KCNN2: variants seen among roughly 807,000 people sequenced by gnomAD.
The protein encoded by KCNN2 is small conductance calcium-activated potassium channel protein 2.
Under a neutral mutation model 55.5 loss-of-function variants are expected in KCNN2, and 24 were observed. The ratio of observed to expected loss-of-function variants is 0.43; its 90% confidence interval spans 0.31 to 0.61. The LOEUF is 0.61. KCNN2 is among the 20% of genes least tolerant of loss of function. The pLI, the probability that KCNN2 is intolerant of heterozygous loss-of-function variation, is 0.08. For synonymous variants in KCNN2, 431 were observed against 336.1 expected (o/e 1.28, Z -3.09); for missense variants, 754 against 853.6 (o/e 0.88, Z 1.45).
At chr5:114,102,960 C>A (rs760709559) in intron 1 of KCNN2, among the ~76,000 whole-genome samples, 19 of 152,060 alleles carry the variant, frequency 1.2e-4, no homozygotes, top group Non-Finnish European at 1.9e-4. Flanking sequence ...GTAGTTTTTT[C>A]TAATTCTGTG....
chr5:114,269,675 G>T (rs1755283828), intron 2 of KCNN2, among the ~76,000 whole-genome samples: 1 of 152,076 alleles, frequency 6.6e-6, no homozygotes, highest in Non-Finnish European at 1.5e-5. Context: ...GAACTCCAGA[G>T]GTAGGATCCG....
At chr5:114,062,868 T>C (rs1260829125) in intron 1 of KCNN2, among the ~76,000 whole-genome samples, 2 of 152,258 alleles carry the variant, frequency 1.3e-5, no homozygotes, top group South Asian at 4.1e-4. Context: ...ACTAATTTGC[T>C]AGACAGAACT....
At chr5:114,438,886 C>A (rs1580835989) in intron 3 of KCNN2, among the ~76,000 whole-genome samples, 1 of 152,150 alleles carries the variant, frequency 6.6e-6, no homozygotes, top group South Asian at 2.1e-4. Flanking sequence ...AATGTGACAG[C>A]CTTGGTACAG....
chr5:114,096,479 T>C (rs1751257682), intron 1 of KCNN2, among the ~76,000 whole-genome samples: 1 of 152,124 alleles, frequency 6.6e-6, no homozygotes, highest in South Asian at 2.1e-4. Flanking sequence ...GAAACCAAGC[T>C]ATATACTCAT....
At chr5:114,357,039 A>G (rs528040568) in intron 2 of KCNN2, among the ~76,000 whole-genome samples, 1 of 152,214 alleles carries the variant, frequency 6.6e-6, no homozygotes, top group Non-Finnish European at 1.5e-5. Flanking sequence ...AAAGAAAAAA[A>G]TAATTCTCAG....
chr5:114,423,760 C>G (rs918694120), intron 3 of KCNN2, among the ~76,000 whole-genome samples: 1 of 152,118 alleles, frequency 6.6e-6, no homozygotes, highest in Non-Finnish European at 1.5e-5. Flanking sequence ...AAGGGACAAG[C>G]AAACAGGTCA....
chr5:114,414,844 C>T (rs1432367437), intron 3 of KCNN2, among the ~76,000 whole-genome samples: 4 of 152,058 alleles, frequency 2.6e-5, no homozygotes, highest in Non-Finnish European at 5.9e-5. Context: ...ATTTACGCAC[C>T]GTAAACTCCA....
chr5:114,192,889 T>C (rs1753479409), intron 1 of KCNN2, among the ~76,000 whole-genome samples: 1 of 152,154 alleles, frequency 6.6e-6, no homozygotes, highest in South Asian at 2.1e-4. Flanking sequence ...GTCTTCTGTC[T>C]CAATCCCCAT....
intron 3 of KCNN2, among the ~76,000 whole-genome samples, chr5:114,423,053 T>C (rs1759516262): frequency 6.6e-6 from 1 of 152,178 alleles, no homozygotes; most frequent in Admixed American, 6.5e-5. Context: ...TAATGCATTG[T>C]CTGTTAAGCA....
intron 1 of KCNN2, among the ~76,000 whole-genome samples, chr5:114,058,171 T>C (rs555274822): frequency 2.0e-4 from 30 of 152,282 alleles, no homozygotes; most frequent in Non-Finnish European, 3.2e-4. Context: ...CACCTTGAGC[T>C]AGTGATGAAT....
chr5:114,362,612 A>G lies in KCNN2; in HGVS notation c.473A>G (p.His158Arg), dbSNP rs959017252. 1.1e-6 allele frequency: 1 copy of G among 928,652 alleles called. No individual in the cohort carries two copies. Among genetic ancestry groups the G allele is most frequent in the Non-Finnish European group, 1.5e-6 (1 of 646,072 alleles). 57.5% of individuals were successfully genotyped at this position (928,652 alleles called of 1,614,324 possible). Reference sequence around the variant, plus strand: ...CAGTCGGCGTCCGCCTCCCAGTACCACCAGTGCCACAGCCTGCAGCCCGCC... The same window carrying G: ...CAGTCGGCGTCCGCCTCCCAGTACCGCCAGTGCCACAGCCTGCAGCCCGCC... The part of the protein sequence containing the change: ...AQQSASASQY[H>R]QCHSLQPAAS... The change falls in exon 1 of 8, where the codon CAC becomes CGC. Residue 158 changes from histidine to arginine, a missense_variant. Physicochemically the swap from His to Arg is conservative, Grantham distance 29. Transcript: ENST00000673685.
chr5:114,361,689 G>A (rs1757425466), upstream of KCNN2, among the ~76,000 whole-genome samples: 1 of 152,214 alleles, frequency 6.6e-6, no homozygotes, highest in Non-Finnish European at 1.5e-5. Flanking sequence ...GGCTGGCGCA[G>A]GTGATCCGGG....
At chr5:114,077,818 T>C (rs745868538) in intron 1 of KCNN2, among the ~76,000 whole-genome samples, 18 of 152,274 alleles carry the variant, frequency 1.2e-4, no homozygotes, top group African/African-American at 3.9e-4. Flanking sequence ...GAAAGCCTCA[T>C]TGTGGCAGAG....
At chr5:114,377,850 T>C (rs1757989654) in intron 2 of KCNN2, among the ~76,000 whole-genome samples, 2 of 152,226 alleles carry the variant, frequency 1.3e-5, no homozygotes, top group Admixed American at 1.3e-4. Flanking sequence ...ATGAAGAATC[T>C]AGCGTGATAC....
intron 3 of KCNN2, among the ~76,000 whole-genome samples, chr5:114,427,133 C>G (rs1283852535): frequency 2.0e-5 from 3 of 152,312 alleles, no homozygotes; most frequent in South Asian, 2.1e-4. Context: ...TACTTGTTCT[C>G]TTCTCCCCCT....
At chr5:114,340,224 A>G (rs1561577263) in intron 2 of KCNN2, among the ~76,000 whole-genome samples, 1 of 152,214 alleles carries the variant, frequency 6.6e-6, no homozygotes, top group East Asian at 1.9e-4. Flanking sequence ...AGAGAAATCC[A>G]AATGGTCACT....
chr5:114,428,433 A>G (rs898537834), intron 3 of KCNN2, among the ~76,000 whole-genome samples: 4 of 152,280 alleles, frequency 2.6e-5, no homozygotes, highest in African/African-American at 9.6e-5. Context: ...CCTATTCCTT[A>G]TATCTAGAAA....
intron 1 of KCNN2, among the ~76,000 whole-genome samples, chr5:114,103,253 G>A (rs1392942113): frequency 2.6e-5 from 4 of 152,034 alleles, no homozygotes; most frequent in Non-Finnish European, 5.9e-5. Flanking sequence ...TTCGTATATA[G>A]GAATGCTTGT....
intron 3 of KCNN2, among the ~76,000 whole-genome samples, chr5:114,405,671 G>A (rs1561611163): frequency 6.6e-6 from 1 of 151,854 alleles, no homozygotes; most frequent in Non-Finnish European, 1.5e-5. Flanking sequence ...AGTGTTGAAA[G>A]TTCAGATGTT....
Sources: gnomAD v4.1 joint callset for allele counts (sites outside exome capture counted in the v4.1 genomes callset) on GRCh38, gnomAD v4.1.1 for gene constraint, MANE v1.5 for transcripts, NCBI Gene and HGNC (gene_info 2026-07-23, HGNC 2026-07-21) for gene names.